The following MAP4 variants were observed in gnomAD, a reference collection of about 807,000 sequenced individuals.
MAP4 encodes microtubule associated protein 4, also known as microtubule-associated protein 4.
In MAP4, 76 loss-of-function variants were observed where a neutral mutation model predicts 170.2. That is an observed-to-expected ratio of 0.45 (90% CI 0.37 to 0.54). MAP4 has a LOEUF of 0.54. Among genes scored for constraint, MAP4 ranks in the 20% least tolerant of loss-of-function variants. The probability of loss-of-function intolerance (pLI) is 0.00; values close to 1 mark genes in which losing one functional copy is unlikely to be tolerated. For missense variants in MAP4, 2,506 were observed against 2,748.0 expected (o/e 0.91, Z 1.97); for synonymous variants, 909 against 994.5 (o/e 0.91, Z 1.62).
At chr3:48,074,726 G>GTGTGTGAT (rs1003251844) in intron 1 of MAP4, among the ~76,000 whole-genome samples, 16 of 147,658 alleles carry the variant, frequency 1.1e-4, no homozygotes, top group African/African-American at 3.8e-4. Context: ...GTGTGTGTGT[G>GTGTGTGAT]ATATGTCGGC....
intron 2 of MAP4, among the ~76,000 whole-genome samples, chr3:47,984,376 G>A (rs750185417): frequency 4.6e-5 from 7 of 152,090 alleles, no homozygotes; most frequent in Non-Finnish European, 8.8e-5. Flanking sequence ...AGATGCAGCA[G>A]AACACATTTC....
At chr3:47,977,768 A>T in intron 3 of MAP4, 97 bp downstream of exon 3, 1 of 833,772 alleles carries the variant, frequency 1.2e-6, no homozygotes, top group Non-Finnish European at 2.0e-6. Flanking sequence ...GAAATAATTC[A>T]TATGCTTCCA....
At chr3:47,996,365 G>C (rs2100095626) in intron 2 of MAP4, among the ~76,000 whole-genome samples, 1 of 152,162 alleles carries the variant, frequency 6.6e-6, no homozygotes, top group Non-Finnish European at 1.5e-5. Context: ...ATTAAGCACA[G>C]GATTAAGCAC....
intron 3 of MAP4, among the ~76,000 whole-genome samples, chr3:47,933,191 T>A (rs893818744): frequency 2.0e-5 from 3 of 152,088 alleles, no homozygotes; most frequent in African/African-American, 7.2e-5. Flanking sequence ...CATACAGAAC[T>A]ATAACAGGAA....
chr3:47,972,746 C>G (rs759439676), intron 3 of MAP4, among the ~76,000 whole-genome samples: 1 of 151,924 alleles, frequency 6.6e-6, no homozygotes, highest in East Asian at 1.9e-4. Flanking sequence ...ATTAGCTGGG[C>G]GTGGTGGCGG....
chr3:47,866,346 C>CA (rs1559816214), intron 17 of MAP4, among the ~76,000 whole-genome samples: 1 of 145,072 alleles, frequency 6.9e-6, no homozygotes, highest in Non-Finnish European at 1.5e-5. Context: ...AAAACAAAAA[C>CA]AAAACAAACA....
chr3:47,866,066 C>T (rs370711730), intron 17 of MAP4, among the ~76,000 whole-genome samples: 98 of 152,276 alleles, frequency 6.4e-4, no homozygotes, highest in African/African-American at 2.2e-3. Flanking sequence ...AGTCTGGGCG[C>T]AGTGGCTCAC....
intron 10 of MAP4, among the ~76,000 whole-genome samples, chr3:47,899,241 C>G (rs2100028736): frequency 6.6e-6 from 1 of 152,222 alleles, no homozygotes; most frequent in African/African-American, 2.4e-5. Flanking sequence ...GATTCCTTGT[C>G]TCTAGGTTCT....
At position 47,855,467 on chromosome 3, in the gene MAP4, G is replaced by T; in HGVS notation, c.6584-107C>A. On this transcript the variant is annotated intron_variant, in intron 18 of 20. Transcript: ENST00000683076. This position sits in a 1 kb window ranked among gnomAD's most constrained non-coding sequence, Gnocchi z 5.1. ...TCTAGAAATGAGACAGACGTGACCTGTTCTGGGTGGCAAATGAAGAACAGT... is the reference window on the plus strand; with the variant it reads ...TCTAGAAATGAGACAGACGTGACCTTTTCTGGGTGGCAAATGAAGAACAGT... 1.4e-6 allele frequency: 1 copy of T among 728,886 alleles called. No homozygotes were observed. The highest frequency in any genetic ancestry group is 2.5e-6 in the Non-Finnish European group (1 of 399,138). The allele number at this position is 728,886 out of a possible 1,614,324, so 45.2% of individuals were successfully genotyped here. A position where few individuals can be genotyped will look rare whatever the true frequency, so the allele number is the denominator to read the frequency against.
chr3:47,943,159 A>G (rs1411696285), intron 3 of MAP4, among the ~76,000 whole-genome samples: 3 of 152,204 alleles, frequency 2.0e-5, no homozygotes, highest in Non-Finnish European at 2.9e-5. Context: ...AAGTATTTCA[A>G]TAAAAAAAGT....
chr3:47,879,918 T>C (rs1025154295), intron 10 of MAP4, among the ~76,000 whole-genome samples: 1 of 152,214 alleles, frequency 6.6e-6, no homozygotes, highest in Non-Finnish European at 1.5e-5. Flanking sequence ...CAATCTTAGA[T>C]AGAAAGTATT....
intron 3 of MAP4, chr3:47,975,067 T>C (rs567649637): frequency 1.2e-5 from 12 of 1,041,634 alleles, no homozygotes; most frequent in African/African-American, 8.4e-5. Context: ...TGTTGAACAT[T>C]TGAAAACCAA....
intron 18 of MAP4, among the ~76,000 whole-genome samples, chr3:47,857,190 G>C (rs1003531260): frequency 6.6e-6 from 1 of 152,222 alleles, no homozygotes; most frequent in African/African-American, 2.4e-5. Flanking sequence ...CACACACACA[G>C]TAGGTACTCA....
At chr3:48,086,566 G>C (rs1031407916) in intron 1 of MAP4, among the ~76,000 whole-genome samples, 1 of 152,188 alleles carries the variant, frequency 6.6e-6, no homozygotes, top group Non-Finnish European at 1.5e-5. Context: ...TTGAACTCCG[G>C]AGGTAGAGTC....
Position 47,852,953 on chromosome 3 carries a change from G to A in MAP4, c.6887-15C>T. The A allele has an allele frequency of 6.2e-7, 1 of 1,613,906 alleles. No homozygotes were observed. Reference sequence around the variant, plus strand: ...TAGGTCTCAATCTGCAGTGACATGGGAGGAGGGAAGGGAGAGGGGAACAGG... The same window carrying A: ...TAGGTCTCAATCTGCAGTGACATGGAAGGAGGGAAGGGAGAGGGGAACAGG... On this transcript the variant is annotated splice_polypyrimidine_tract_variant and intron_variant, in intron 20 of 20. Transcript: ENST00000683076.
intron 1 of MAP4, among the ~76,000 whole-genome samples, chr3:48,030,198 T>C (rs1352281096): frequency 6.6e-6 from 1 of 151,078 alleles, no homozygotes; most frequent in Non-Finnish European, 1.5e-5. Flanking sequence ...ATTTCAGTCT[T>C]GGCAACACAG....
intron 3 of MAP4, chr3:47,960,197 A>T (rs2100070746): frequency 1.3e-5 from 2 of 154,560 alleles, no homozygotes; most frequent in African/African-American, 4.8e-5. Context: ...CACATGCTGC[A>T]GCCATCTTTA....
At chr3:47,929,718 C>CT (rs983228900) in intron 3 of MAP4, among the ~76,000 whole-genome samples, 39 of 139,612 alleles carry the variant, frequency 2.8e-4, no homozygotes, top group Non-Finnish European at 2.9e-4. Context: ...AGGAAAAAAT[C>CT]TTTGTGACTT....
intron 3 of MAP4, among the ~76,000 whole-genome samples, chr3:47,942,682 G>A (rs1458948401): frequency 6.6e-6 from 1 of 152,162 alleles, no homozygotes; most frequent in Non-Finnish European, 1.5e-5. Context: ...AAACAAAGGT[G>A]ACAAGGAAAA....
Sources: gnomAD v4.1 joint callset for allele counts (sites outside exome capture counted in the v4.1 genomes callset) on GRCh38, gnomAD v4.1.1 for gene constraint, Gnocchi (gnomAD v3.1) non-coding constraint, MANE v1.5 for transcripts, NCBI Gene and HGNC (gene_info 2026-07-23, HGNC 2026-07-21) for gene names.